The following IRAG2 variants were observed in gnomAD, a reference collection of about 807,000 sequenced individuals.
IRAG2 encodes inositol 1,4,5-triphosphate receptor associated 2, also known as lymphoid restricted membrane protein.
A neutral mutation model predicts 69.9 loss-of-function variants in IRAG2; 45 were observed. The observed-to-expected ratio is 0.64, with a 90% confidence interval of 0.51 to 0.83. IRAG2 has a LOEUF of 0.83. IRAG2 is among the 40% of genes least tolerant of loss of function. The pLI is 0.00. For missense variants in IRAG2, 520 were observed against 587.0 expected (o/e 0.89, Z 1.18); for synonymous variants, 193 against 202.4 (o/e 0.95, Z 0.40).
At chr12:25,087,955 C>G in intron 10 of IRAG2, 145 bp from the exon 11 acceptor site, 1 of 622,396 alleles carries the variant, frequency 1.6e-6, no homozygotes, top group South Asian at 2.0e-5. Flanking sequence ...TTCCAGGAAA[C>G]TGGTCCCTGG....
chr12:25,015,895 C>T (rs902858269), intron 5 of IRAG2, among the ~76,000 whole-genome samples: 11 of 152,214 alleles, frequency 7.2e-5, no homozygotes, highest in African/African-American at 2.4e-4. Context: ...CAGGTTTATC[C>T]GTAAAGAAAA....
chr12:25,035,847 A>G (rs968298954), intron 14 of IRAG2: 15 of 398,402 alleles, frequency 3.8e-5, no homozygotes, highest in African/African-American at 2.1e-4. Context: ...TCTGCAGATA[A>G]CTGACCTGCA....
chr12:25,074,510 T>G (rs989223966), intron 6 of IRAG2, among the ~76,000 whole-genome samples: 9 of 152,208 alleles, frequency 5.9e-5, no homozygotes, highest in African/African-American at 1.9e-4. Flanking sequence ...TCTTTTGGTT[T>G]GTTGTCCACA....
chr12:25,091,109 C>T (rs1387660028), intron 14 of IRAG2: 1 of 169,296 alleles, frequency 5.9e-6, no homozygotes, highest in African/African-American at 2.4e-5. Flanking sequence ...ATTGAGAAAC[C>T]ATGGAAAAGA....
At chr12:25,013,724 CAAAT>C (rs908766597) in intron 3 of IRAG2, among the ~76,000 whole-genome samples, 2 of 151,378 alleles carry the variant, frequency 1.3e-5, no homozygotes, top group African/African-American at 4.9e-5. Flanking sequence ...GTAATTACTT[CAAAT>C]AAATAGGTCA....
At chr12:25,085,794 T>C (rs894495720) in intron 10 of IRAG2, among the ~76,000 whole-genome samples, 3 of 141,174 alleles carry the variant, frequency 2.1e-5, no homozygotes, top group Admixed American at 2.0e-4. Flanking sequence ...AGACTGCTTA[T>C]GATACCTAAT....
intron 16 of IRAG2, among the ~76,000 whole-genome samples, chr12:25,039,799 G>GA (rs138850269): frequency 0.013 from 2,036 of 152,262 alleles, 41 homozygotes; most frequent in African/African-American, 0.045. Context: ...CGAAATGAGT[G>GA]AATCTTCTGT....
chr12:25,086,160 G>A (rs1018806684), intron 10 of IRAG2, among the ~76,000 whole-genome samples: 1 of 152,158 alleles, frequency 6.6e-6, no homozygotes, highest in Non-Finnish European at 1.5e-5. Flanking sequence ...GACTGGTTAG[G>A]ATACTATGGC....
intron 6 of IRAG2, among the ~76,000 whole-genome samples, chr12:25,075,164 A>C (rs1312302685): frequency 5.9e-5 from 9 of 152,206 alleles, no homozygotes; most frequent in African/African-American, 2.2e-4. Flanking sequence ...AGTAGTTCTA[A>C]TCTTTTAAAA....
At chr12:25,062,330 T>C (rs1055558124) in intron 2 of IRAG2, among the ~76,000 whole-genome samples, 8 of 152,020 alleles carry the variant, frequency 5.3e-5, no homozygotes, top group Non-Finnish European at 1.2e-4. Context: ...AAGATTAAGC[T>C]AGGCAGAGTG....
At chr12:25,004,946 C>A in intron 1 of IRAG2, 1 of 1,184,186 alleles carries the variant, frequency 8.4e-7, no homozygotes, top group Non-Finnish European at 1.1e-6. Context: ...GTTTGTCCTT[C>A]CAATAGAGCA....
intron 6 of IRAG2, among the ~76,000 whole-genome samples, chr12:25,073,310 G>A (rs775628025): frequency 2.6e-5 from 4 of 152,174 alleles, no homozygotes; most frequent in Admixed American, 6.5e-5. Context: ...TAACCAATGC[G>A]CATGTAGCAC....
chr12:25,016,533 C>T (rs943017811), intron 5 of IRAG2, among the ~76,000 whole-genome samples: 3 of 152,068 alleles, frequency 2.0e-5, no homozygotes, highest in East Asian at 1.9e-4. Context: ...GAGGCTGAAG[C>T]GGGCAGATCA....
At chr12:25,020,754 G>T in intron 6 of IRAG2, 2 of 1,000,860 alleles carry the variant, frequency 2.0e-6, no homozygotes, top group South Asian at 1.0e-4. Flanking sequence ...TTATATTTGA[G>T]GTTTTGCTCA....
upstream of IRAG2, among the ~76,000 whole-genome samples, chr12:25,049,713 G>A (rs1015088936): frequency 4.6e-5 from 7 of 152,032 alleles, no homozygotes; most frequent in African/African-American, 1.4e-4. Flanking sequence ...ACGGCCGGAT[G>A]CGGTGGCTCA....
chr12:25,089,461 A>T (rs1037188333), intron 11 of IRAG2, among the ~76,000 whole-genome samples, 153 bp from the exon 12 acceptor site: 2 of 152,260 alleles, frequency 1.3e-5, no homozygotes, highest in African/African-American at 2.4e-5. Flanking sequence ...TTAGCATAAC[A>T]TTATAATTTA....
In IRAG2 at chr12:25,108,063, G is replaced by C; in HGVS notation, c.*3G>C. 6.2e-7 allele frequency: 1 copy of C among 1,612,578 alleles called. No individual in the cohort carries two copies. The highest frequency in any genetic ancestry group is 8.5e-7 in the Non-Finnish European group (1 of 1,178,790). On this transcript the variant is annotated 3_prime_UTR_variant, in exon 22 of 22. Coordinates refer to ENST00000556887, the MANE Select transcript of IRAG2 (RefSeq NM_001366544.2). ...ACAATGGGCCACCACCAGTGTGACA[G>C]CAGGACATCCTAATATATGGATCTT... is the stretch of plus-strand genomic sequence containing the variant.
At chr12:25,096,758 T>A (rs1051339228) in intron 14 of IRAG2, 152 bp from the exon 15 acceptor site, 35 of 597,308 alleles carry the variant, frequency 5.9e-5, no homozygotes, top group Non-Finnish European at 1.0e-4. Context: ...AATATATCAG[T>A]ATCATTCATT....
In IRAG2 at chr12:25,097,010, C is replaced by T; in HGVS notation, c.707C>T (p.Ala236Val). 6.2e-7 allele frequency: 1 copy of T among 1,612,546 alleles called. No individual in the cohort carries two copies. The highest frequency in any genetic ancestry group is 2.2e-5 in the East Asian group (1 of 44,814). ...KFLSQCAARVASRAEMLGAIN... is the reference protein window; with the variant it reads ...KFLSQCAARVVSRAEMLGAIN... ...CTTAGCCAGTGTGCAGCACGAGTGG[C>T]CAGTAGGGCTGAGATGTTGGGAGCC... Residue 236 changes from alanine to valine, a missense_variant, in exon 15 of 22, where the codon GCC becomes GTC. Physicochemically the swap from Ala to Val is moderately conservative, Grantham distance 64. Transcript: ENST00000556887.
Sources: gnomAD v4.1 joint callset for allele counts (sites outside exome capture counted in the v4.1 genomes callset) on GRCh38, gnomAD v4.1.1 for gene constraint, MANE v1.5 for transcripts, NCBI Gene and HGNC (gene_info 2026-07-23, HGNC 2026-07-21) for gene names.